The following ABRAXAS1 variants were observed in gnomAD, a reference collection of about 807,000 sequenced individuals.
ABRAXAS1 encodes abraxas 1, BRCA1 A complex subunit, also known as BRCA1-A complex subunit Abraxas 1.
A neutral mutation model predicts 38.4 loss-of-function variants in ABRAXAS1; 26 were observed. That is an observed-to-expected ratio of 0.68 (90% CI 0.50 to 0.94). The LOEUF (loss-of-function observed/expected upper bound fraction) is 0.94. ABRAXAS1 is among the 40% of genes least tolerant of loss of function. The probability of loss-of-function intolerance (pLI) is 0.00; values close to 1 mark genes in which losing one functional copy is unlikely to be tolerated. For missense variants in ABRAXAS1, 438 were observed against 481.9 expected (o/e 0.91, Z 0.85); for synonymous variants, 144 against 165.5 (o/e 0.87, Z 1.00).
At chr4:83,472,822 C>A (rs1359376595) in intron 3 of ABRAXAS1, among the ~76,000 whole-genome samples, 1 of 152,070 alleles carries the variant, frequency 6.6e-6, no homozygotes, top group Non-Finnish European at 1.5e-5. Flanking sequence ...GTTGGAATAT[C>A]CAAAATGTAG....
chr4:83,478,482 C>G (rs971051252), intron 2 of ABRAXAS1: 2 of 422,460 alleles, frequency 4.7e-6, no homozygotes, highest in Non-Finnish European at 9.4e-6. Flanking sequence ...TTCCCTTTTC[C>G]CGTGTTCTAA....
At chr4:83,463,384 G>C in intron 8 of ABRAXAS1, 110 bp downstream of exon 8, 1 of 672,416 alleles carries the variant, frequency 1.5e-6, no homozygotes. Flanking sequence ...AGTAAGCTGA[G>C]ATCACACCTT....
In ABRAXAS1 at chr4:83,461,251, G is replaced by A. The variant is rs1236117789; in HGVS notation, c.*1218C>T. ...ATTTTACAGTAAGTGGTTGTATGAT[G>A]CCAATACTGACTCAAACCAACCTTT... On this transcript the variant is annotated 3_prime_UTR_variant, in exon 9 of 9. Coordinates refer to ENST00000321945, the MANE Select transcript of ABRAXAS1 (RefSeq NM_139076.3). The A allele has an allele frequency of 2.0e-6, 3 of 1,527,462 alleles. No homozygotes were observed. The highest frequency in any genetic ancestry group is 1.8e-6 in the Non-Finnish European group (2 of 1,104,734). The allele number at this position is 1,527,462 out of a possible 1,614,324, so 94.6% of individuals were successfully genotyped here. A position where few individuals can be genotyped will look rare whatever the true frequency, so the allele number is the denominator to read the frequency against.
At chr4:83,482,380 G>A (rs1723028330) in intron 1 of ABRAXAS1, 136 bp from the exon 2 acceptor site, 1 of 511,182 alleles carries the variant, frequency 2.0e-6, no homozygotes, top group African/African-American at 2.0e-5. Context: ...GATCTGAGAT[G>A]CTTCTAGTTT....
rs1722130841 is a variant in ABRAXAS1 at position 83,461,842 on chromosome 4, T to C, written c.*627A>G. 1 of 227,872 alleles carries C rather than the reference T, an allele frequency of 4.4e-6. No individual in the cohort carries two copies. 14.1% of individuals were successfully genotyped at this position (227,872 alleles called of 1,614,324 possible). Reference sequence around the variant, plus strand: ...TTTGTGTTGTGTTATAGTTGTGTAATAATTAAGGCTGCCAGATTTAGCAAG... The same window carrying C: ...TTTGTGTTGTGTTATAGTTGTGTAACAATTAAGGCTGCCAGATTTAGCAAG... On this transcript the variant is annotated 3_prime_UTR_variant, in exon 9 of 9. Coordinates refer to ENST00000321945, the MANE Select transcript of ABRAXAS1 (RefSeq NM_139076.3).
In ABRAXAS1 at chr4:83,461,915, A is replaced by G. The variant is rs1722132952; in HGVS notation, c.*554T>C. 4.4e-6 allele frequency: 1 copy of G among 229,628 alleles called. No individual in the cohort carries two copies. The highest frequency in any genetic ancestry group is 8.6e-6 in the Non-Finnish European group (1 of 115,934). The allele number at this position is 229,628 out of a possible 1,614,324, so 14.2% of individuals were successfully genotyped here. A position where few individuals can be genotyped will look rare whatever the true frequency, so the allele number is the denominator to read the frequency against. ...ATTTTAGATGATGTTTTGCAAATTTATTGCATGATATCCAGCATTTTATCT... is the reference window on the plus strand; with the variant it reads ...ATTTTAGATGATGTTTTGCAAATTTGTTGCATGATATCCAGCATTTTATCT... On this transcript the variant is annotated 3_prime_UTR_variant, in exon 9 of 9. Coordinates refer to ENST00000321945, the MANE Select transcript of ABRAXAS1 (RefSeq NM_139076.3).
In ABRAXAS1 at chr4:83,461,340, T is replaced by TA. The variant is rs1722105801; in HGVS notation, c.*1128dup. On this transcript the variant is annotated 3_prime_UTR_variant, in exon 9 of 9. Coordinates refer to ENST00000321945, the MANE Select transcript of ABRAXAS1 (RefSeq NM_139076.3). ...ACTTCCCCTTCATACCAATGTCCAT[T>TA]AAGCAGATTGCTTATTTAAAATGTT... The TA allele has an allele frequency of 4.6e-6, 3 of 654,010 alleles. No homozygotes were observed. Among genetic ancestry groups the TA allele is most frequent in the African/African-American group, 1.8e-5 (1 of 55,268 alleles). 40.5% of individuals were successfully genotyped at this position (654,010 alleles called of 1,614,324 possible).
At position 83,470,358 on chromosome 4, in the gene ABRAXAS1, A is replaced by G. The variant is rs1199950191; in HGVS notation, c.321T>C (p.Asp107=). 6.2e-7 allele frequency: 1 copy of G among 1,613,714 alleles called. No individual in the cohort carries two copies. The highest frequency in any genetic ancestry group is 2.2e-5 in the East Asian group (1 of 44,852). ...VGWYKFRRHS[D]QIMTFRERLL... Reference sequence around the variant, plus strand: ...GCCTCTCTCTAAACGTCATGATCTGATCTGAATGACGACGGAATTTGTACC... The same window carrying G: ...GCCTCTCTCTAAACGTCATGATCTGGTCTGAATGACGACGGAATTTGTACC... Residue 107 remains aspartate (D), a synonymous_variant, in exon 5 of 9, where the codon GAT becomes GAC. Coordinates refer to ENST00000321945, the MANE Select transcript of ABRAXAS1 (RefSeq NM_139076.3).
At chr4:83,472,803 T>A (rs907820352) in intron 3 of ABRAXAS1, among the ~76,000 whole-genome samples, 6 of 152,164 alleles carry the variant, frequency 3.9e-5, no homozygotes, top group Non-Finnish European at 5.9e-5. Flanking sequence ...TAGAACAGTT[T>A]GTTCAGGAGT....
Position 83,472,274 on chromosome 4 carries a change from G to A in ABRAXAS1, c.230C>T (p.Ser77Leu), listed in dbSNP as rs1722613034. ...CAGTGCTTGCTCATTTACTTCGCCTGAAGAATTATAAAAGCTGTAAAAGCC... is the reference window on the plus strand; with the variant it reads ...CAGTGCTTGCTCATTTACTTCGCCTAAAGAATTATAAAAGCTGTAAAAGCC... Reference protein sequence around the residue: ...CYQLFSFYNSSGEVNEQALKK... With the variant: ...CYQLFSFYNSLGEVNEQALKK... Residue 77 changes from serine (S) to leucine (L), a missense_variant, in exon 4 of 9, where the codon TCA (serine) becomes TTA (leucine). This residue lies in a region of ABRAXAS1 where 194 missense variants were observed against 269.0 expected (regional missense o/e 0.72). Transcript: ENST00000321945. 1.3e-6 allele frequency: 2 copies of A among 1,519,116 alleles called. No individual in the cohort carries two copies. The highest frequency in any genetic ancestry group is 2.5e-5 in the East Asian group (1 of 40,054). 94.1% of individuals were successfully genotyped at this position (1,519,116 alleles called of 1,614,324 possible). A position where few individuals can be genotyped will look rare whatever the true frequency, so the allele number is the denominator to read the frequency against.
rs1230517929 is a variant in ABRAXAS1, at chr4:83,463,555, C to A, written c.735G>T (p.Lys245Asn). 13 of 1,611,802 alleles carry A rather than the reference C, an allele frequency of 8.1e-6. No homozygotes were observed. The highest frequency in any genetic ancestry group is 1.7e-5 in the Admixed American group (1 of 59,594). ...DSEQAVDKLVKDVNRLKREIE... is the reference protein window; with the variant it reads ...DSEQAVDKLVNDVNRLKREIE... ...TTTCTCGTTTTAATCTGTTTACATC[C>A]TTTACTAGTTTATCTACTGCTTGTT... The change falls in exon 8 of 9, where the codon AAG becomes AAT. Residue 245 changes from lysine to asparagine, a missense_variant. Coordinates refer to ENST00000321945, the MANE Select transcript of ABRAXAS1 (RefSeq NM_139076.3).
At chr4:83,476,314 A>G (rs1312936304) in intron 3 of ABRAXAS1, among the ~76,000 whole-genome samples, 1 of 152,228 alleles carries the variant, frequency 6.6e-6, no homozygotes, top group Non-Finnish European at 1.5e-5. Flanking sequence ...AAGGGCTGCT[A>G]TTGATGATGT....
At chr4:83,478,017 A>G in intron 2 of ABRAXAS1, 1 of 971,116 alleles carries the variant, frequency 1.0e-6, no homozygotes, top group Non-Finnish European at 1.6e-6. Context: ...ATATACCAAC[A>G]GGAAGGCACC....
chr4:83,467,660 A>AT, intron 6 of ABRAXAS1, 122 bp from the exon 7 acceptor site: 1 of 605,990 alleles, frequency 1.7e-6, no homozygotes, highest in South Asian at 2.0e-5. Flanking sequence ...AGGAACCATA[A>AT]TTTTGTCAAT....
At chr4:83,479,745 T>A (rs774968703) in intron 2 of ABRAXAS1, 19 of 154,730 alleles carry the variant, frequency 1.2e-4, no homozygotes, top group Non-Finnish European at 2.3e-4. Context: ...GAGGATTGCT[T>A]GAGCCTAGGA....
At chr4:83,484,431 A>C (rs182947222) in intron 1 of ABRAXAS1, among the ~76,000 whole-genome samples, 1 of 152,380 alleles carries the variant, frequency 6.6e-6, no homozygotes, top group Non-Finnish European at 1.5e-5. Context: ...CTGTTTTAAC[A>C]AATTTAATAA....
At chr4:83,484,841 G>A (rs770634632) in intron 1 of ABRAXAS1, 145 bp downstream of exon 1, 5 of 579,106 alleles carry the variant, frequency 8.6e-6, no homozygotes, top group Non-Finnish European at 1.5e-5. Flanking sequence ...ACCGCTGAGG[G>A]GGAGAGAAGG....
intron 3 of ABRAXAS1, among the ~76,000 whole-genome samples, chr4:83,473,416 A>G (rs1225659408): frequency 1.3e-5 from 2 of 152,174 alleles, no homozygotes. Flanking sequence ...ATAAAGCAGT[A>G]TATTAGGGTA....
At chr4:83,478,375 A>T in intron 2 of ABRAXAS1, 1 of 575,838 alleles carries the variant, frequency 1.7e-6, no homozygotes, top group Non-Finnish European at 3.5e-6. Flanking sequence ...GGACCCTGGA[A>T]CATCATTCTT....
Sources: gnomAD v4.1 joint callset for allele counts (sites outside exome capture counted in the v4.1 genomes callset) on GRCh38, gnomAD v4.1.1 for gene constraint, gnomAD v4.1.1 regional missense constraint, MANE v1.5 for transcripts, NCBI Gene and HGNC (gene_info 2026-07-23, HGNC 2026-07-21) for gene names.